Variants in PTPRD observed in about 807,000 individuals in gnomAD.
PTPRD encodes the protein protein tyrosine phosphatase receptor type D, also known as receptor-type tyrosine-protein phosphatase delta.
Under a neutral mutation model 214.5 loss-of-function variants are expected in PTPRD, and 34 were observed. The ratio of observed to expected loss-of-function variants is 0.16; its 90% CI spans 0.12 to 0.21. PTPRD has a LOEUF of 0.21. PTPRD is among the 10% of genes least tolerant of loss of function. The pLI is 1.00. For synonymous variants in PTPRD, 1,128 were observed against 845.7 expected, an observed-to-expected ratio of 1.33 and a Z score of -5.79; for missense variants, 2,545 against 2,398.7, an observed-to-expected ratio of 1.06 and a Z score of -1.27.
Position 9,273,008 on chromosome 9 carries a change from T to C in PTPRD, c.-202-89645A>G, listed in dbSNP as rs1179250545. Among the ~76,000 whole-genome samples the C allele has an allele frequency of 3.3e-5, 5 of 151,302 alleles. No homozygotes were observed. The East Asian group carries it at 9.8e-4, about 30-fold the overall frequency. On this transcript the variant is annotated intron_variant, in intron 9 of 45. Coordinates refer to ENST00000381196, the MANE Select transcript of PTPRD (RefSeq NM_002839.4). ...TGTGAAGCTGTCTTTGTGATTTCTATGGATAAAAGAAACACCACATGAAAA... is the reference window on the plus strand; with the variant it reads ...TGTGAAGCTGTCTTTGTGATTTCTACGGATAAAAGAAACACCACATGAAAA...
intron 9 of PTPRD, among the ~76,000 whole-genome samples, chr9:9,259,503 A>C (rs1057352054): frequency 6.6e-6 from 1 of 151,914 alleles, no homozygotes; most frequent in African/African-American, 2.4e-5. Context: ...AGGTGAAAGC[A>C]CTTGGAACAC....
intron 12 of PTPRD, 91 bp downstream of exon 12, chr9:8,733,689 A>C: frequency 7.7e-7 from 1 of 1,305,600 alleles, no homozygotes; most frequent in Non-Finnish European, 1.1e-6. Flanking sequence ...TTCCAAAGGA[A>C]ATGTATTCAG....
At chr9:9,569,925 T>C (rs1317715583) in intron 8 of PTPRD, among the ~76,000 whole-genome samples, 1 of 151,578 alleles carries the variant, frequency 6.6e-6, no homozygotes. Flanking sequence ...CTAAAGGATT[T>C]AGGTGAGGCA....
chr9:9,438,705 T>C (rs2086287497), intron 8 of PTPRD, among the ~76,000 whole-genome samples: 8 of 152,168 alleles, frequency 5.3e-5, no homozygotes, highest in Admixed American at 4.6e-4. Context: ...TTAAACATTA[T>C]CTTTACAGTT....
chr9:10,104,595 G>A (rs2098605135), intron 3 of PTPRD, among the ~76,000 whole-genome samples: 1 of 151,684 alleles, frequency 6.6e-6, no homozygotes, highest in South Asian at 2.1e-4. Context: ...CATTACATTA[G>A]AATGCAATTT....
At chr9:8,694,762 A>G (rs1326071061) in intron 12 of PTPRD, among the ~76,000 whole-genome samples, 3 of 152,166 alleles carry the variant, frequency 2.0e-5, no homozygotes, top group Non-Finnish European at 4.4e-5. Context: ...AAATCTGTAT[A>G]CTACCTATTT....
intron 3 of PTPRD, among the ~76,000 whole-genome samples, chr9:10,150,765 G>A (rs900303341): frequency 4.0e-5 from 6 of 151,640 alleles, no homozygotes; most frequent in African/African-American, 1.5e-4. Context: ...TGGAGTACAA[G>A]GTTTTAATTA....
chr9:8,322,408 T>C (rs1829291643), intron 44 of PTPRD, among the ~76,000 whole-genome samples: 1 of 152,200 alleles, frequency 6.6e-6, no homozygotes, highest in Admixed American at 6.5e-5. Flanking sequence ...AGTGAACACA[T>C]GAATGATAAG....
chr9:9,582,230 G>T (rs1022602421), intron 7 of PTPRD, among the ~76,000 whole-genome samples: 1 of 152,128 alleles, frequency 6.6e-6, no homozygotes, highest in African/African-American at 2.4e-5. Flanking sequence ...ATAAGATTAA[G>T]TTCTGGCAAA....
At chr9:10,328,578 A>AT (rs899645150) in intron 3 of PTPRD, among the ~76,000 whole-genome samples, 2 of 151,830 alleles carry the variant, frequency 1.3e-5, no homozygotes, top group African/African-American at 4.8e-5. Flanking sequence ...CAACATAGCT[A>AT]TTTTAAAGAG....
At chr9:9,713,470 G>A (rs1466213699) in intron 7 of PTPRD, among the ~76,000 whole-genome samples, 1 of 152,008 alleles carries the variant, frequency 6.6e-6, no homozygotes, top group Non-Finnish European at 1.5e-5. Context: ...GGAGAAGAAA[G>A]GAATTATAAA....
chr9:8,448,958 T>G lies in PTPRD; in HGVS notation c.3988+767A>C, dbSNP rs114111728. 4.4e-3 allele frequency among the ~76,000 whole-genome samples: 673 copies of G among 152,290 alleles called. 5 individuals are homozygous for G. The highest frequency in any genetic ancestry group is 0.015 in the African/African-American group (641 of 41,546). On this transcript the variant is annotated intron_variant, in intron 34 of 45. Transcript: ENST00000381196. ...ACATATTAAGATAGGGTCACTCGGT[T>G]TTATATTTTCAGCTCCCTCTGCCAT...
intron 9 of PTPRD, among the ~76,000 whole-genome samples, chr9:9,323,446 A>G (rs891412022): frequency 1.3e-4 from 20 of 152,172 alleles, no homozygotes; most frequent in African/African-American, 4.8e-4. Context: ...TAATATGCCA[A>G]TGCTAATCAA....
intron 2 of PTPRD, among the ~76,000 whole-genome samples, chr9:10,372,189 T>C (rs2097639841): frequency 6.6e-6 from 1 of 152,138 alleles, no homozygotes; most frequent in Non-Finnish European, 1.5e-5. Flanking sequence ...AATTCATTAA[T>C]AACTGCTTTA....
At chr9:9,540,145 T>G (rs957828143) in intron 8 of PTPRD, among the ~76,000 whole-genome samples, 4 of 151,848 alleles carry the variant, frequency 2.6e-5, no homozygotes, top group African/African-American at 9.7e-5. Flanking sequence ...CATTCATAAC[T>G]TTGGCATCTT....
intron 2 of PTPRD, among the ~76,000 whole-genome samples, chr9:10,387,817 T>C (rs937040277): frequency 7.8e-6 from 1 of 128,714 alleles, no homozygotes; most frequent in African/African-American, 2.9e-5. Flanking sequence ...AAAAAGATTT[T>C]GTCTTTTTTT....
At chr9:9,905,645 C>T (rs1019889596) in intron 5 of PTPRD, among the ~76,000 whole-genome samples, 1 of 151,884 alleles carries the variant, frequency 6.6e-6, no homozygotes, top group African/African-American at 2.4e-5. Flanking sequence ...TAAAACTCAG[C>T]ACAAAACCCA....
At chr9:10,169,473 C>CAAAAAAAAAAA (rs59335943) in intron 3 of PTPRD, among the ~76,000 whole-genome samples, 17 of 66,840 alleles carry the variant, frequency 2.5e-4, no homozygotes, top group African/African-American at 1.0e-3. Flanking sequence ...GACTCTGTCT[C>CAAAAAAAAAAA]AAAAAAAAAA....
chr9:10,313,962 A>T (rs1453388673), intron 3 of PTPRD, among the ~76,000 whole-genome samples: 2 of 151,950 alleles, frequency 1.3e-5, no homozygotes, highest in African/African-American at 4.8e-5. Flanking sequence ...TTTCTGTTCA[A>T]CTTCATGGAG....
Sources: gnomAD v4.1 joint callset for allele counts (sites outside exome capture counted in the v4.1 genomes callset) on GRCh38, gnomAD v4.1.1 for gene constraint, MANE v1.5 for transcripts, NCBI Gene and HGNC (gene_info 2026-07-23, HGNC 2026-07-21) for gene names.